OSBPL6: variants seen among roughly 807,000 people sequenced by gnomAD.
The protein encoded by OSBPL6 is oxysterol-binding protein-related protein 6.
In OSBPL6, 49 loss-of-function variants were observed where a neutral mutation model predicts 125.8. The observed-to-expected ratio is 0.39, with a 90% CI of 0.31 to 0.49. OSBPL6 has a LOEUF of 0.49. OSBPL6 is among the 20% of genes least tolerant of loss of function. OSBPL6 has a pLI of 0.88. For synonymous variants in OSBPL6, 394 were observed against 391.8 expected (o/e 1.01, Z -0.07); for missense variants, 986 against 1,135.4 (o/e 0.87, Z 1.89).
intron 1 of OSBPL6, among the ~76,000 whole-genome samples, chr2:178,242,490 G>A (rs962238320): frequency 4.1e-4 from 62 of 152,268 alleles, no homozygotes; most frequent in Middle Eastern, 6.8e-3. Context: ...GCAGTCACAC[G>A]GGTGTTAAAT....
At position 178,397,749 on chromosome 2, in the gene OSBPL6, G is replaced by A. The variant is rs1695932783; in HGVS notation, c.*2190G>A. On this transcript the variant is annotated 3_prime_UTR_variant, in exon 25 of 25. Coordinates refer to ENST00000190611, the MANE Select transcript of OSBPL6 (RefSeq NM_032523.4). ...AGAGGATCCAGGACCCATCAGGGAA[G>A]CAACGACTGTACTTAGCAATTTGGG... 6.6e-6 allele frequency: 1 copy of A among 152,328 alleles called. No homozygotes were observed. Among genetic ancestry groups the A allele is most frequent in the South Asian group, 2.1e-4 (1 of 4,826 alleles). 9.4% of individuals were successfully genotyped at this position (152,328 alleles called of 1,614,324 possible).
intron 1 of OSBPL6, among the ~76,000 whole-genome samples, chr2:178,210,852 C>A (rs1215654131): frequency 2.0e-5 from 3 of 150,408 alleles, no homozygotes; most frequent in Non-Finnish European, 4.4e-5. Flanking sequence ...ACACACACCC[C>A]TCTCTGCTGG....
chr2:178,384,207 A>G, intron 18 of OSBPL6, 31 bp downstream of exon 18: 28 of 1,605,812 alleles, frequency 1.7e-5, no homozygotes, highest in Non-Finnish European at 2.3e-5. Context: ...TGAGGTTTCT[A>G]TATAGGTAAG....
chr2:178,328,287 T>A lies in OSBPL6; in HGVS notation c.227T>A (p.Leu76Gln). ...GACAGCTGGGAAATTATAGAAGGGCTGAAAATAGGCCAAACCAATGTCCAG... is the reference window on the plus strand; with the variant it reads ...GACAGCTGGGAAATTATAGAAGGGCAGAAAATAGGCCAAACCAATGTCCAG... ...EADSWEIIEGLKIGQTNVQKP... is the reference protein window; with the variant it reads ...EADSWEIIEGQKIGQTNVQKP... The change falls in exon 5 of 25, where the codon CTG becomes CAG. Residue 76 changes from leucine to glutamine, a missense_variant. Around this residue, in one of 3 missense-constraint regions of OSBPL6, gnomAD observed 130 missense variants for 106.4 expected, o/e 1.22. Coordinates refer to ENST00000190611, the MANE Select transcript of OSBPL6 (RefSeq NM_032523.4). The A allele has an allele frequency of 6.2e-6, 10 of 1,613,910 alleles. 1 individual carries two copies. The highest frequency in any genetic ancestry group is 8.5e-6 in the Non-Finnish European group (10 of 1,179,834).
At chr2:178,250,076 C>T (rs1189760804) in intron 1 of OSBPL6, among the ~76,000 whole-genome samples, 2 of 152,214 alleles carry the variant, frequency 1.3e-5, no homozygotes, top group African/African-American at 4.8e-5. Flanking sequence ...TCCCACTTCA[C>T]AGATGATGGA....
chr2:178,215,554 G>A (rs929417926), intron 1 of OSBPL6, among the ~76,000 whole-genome samples: 10 of 152,158 alleles, frequency 6.6e-5, no homozygotes, highest in Admixed American at 4.6e-4. Flanking sequence ...AGTATAGACG[G>A]TGAGAGAGAC....
chr2:178,304,535 A>G (rs1354224980), intron 2 of OSBPL6, among the ~76,000 whole-genome samples: 2 of 152,194 alleles, frequency 1.3e-5, no homozygotes, highest in Admixed American at 6.5e-5. Flanking sequence ...GATTATGGGA[A>G]CTACAATTCA....
At chr2:178,367,631 G>A (rs1352439299) in intron 13 of OSBPL6, among the ~76,000 whole-genome samples, 2 of 152,130 alleles carry the variant, frequency 1.3e-5, no homozygotes, top group African/African-American at 4.8e-5. Context: ...TGGCAATTTA[G>A]GTAATTGATT....
chr2:178,213,540 G>T (rs1007078059), intron 1 of OSBPL6, among the ~76,000 whole-genome samples: 1 of 151,954 alleles, frequency 6.6e-6, no homozygotes, highest in Admixed American at 6.6e-5. Context: ...CTCCTTCCTA[G>T]ACTGTAACAG....
intron 3 of OSBPL6, among the ~76,000 whole-genome samples, chr2:178,318,133 T>C (rs1156237137): frequency 6.6e-6 from 1 of 152,248 alleles, no homozygotes; most frequent in Non-Finnish European, 1.5e-5. Flanking sequence ...TTTATTCCCA[T>C]ACCTTTTATC....
chr2:178,220,769 G>C (rs1474722186), intron 1 of OSBPL6, among the ~76,000 whole-genome samples: 1 of 152,338 alleles, frequency 6.6e-6, no homozygotes, highest in East Asian at 1.9e-4. Flanking sequence ...CAGATGAGTT[G>C]TCTATGCAGC....
At chr2:178,325,700 GC>G (rs1688643762) in intron 4 of OSBPL6, among the ~76,000 whole-genome samples, 1 of 152,176 alleles carries the variant, frequency 6.6e-6, no homozygotes, top group Non-Finnish European at 1.5e-5. Context: ...CACTTAATCA[GC>G]CCCCAACTCA....
At chr2:178,293,879 C>T (rs182975344) in intron 2 of OSBPL6, among the ~76,000 whole-genome samples, 26 of 151,974 alleles carry the variant, frequency 1.7e-4, no homozygotes, top group African/African-American at 4.1e-4. Flanking sequence ...AAATAGTGCT[C>T]GAGCAATTGG....
intron 2 of OSBPL6, among the ~76,000 whole-genome samples, chr2:178,285,813 GC>G (rs1370301993): frequency 1.5e-4 from 23 of 152,334 alleles, no homozygotes; most frequent in Admixed American, 1.5e-3. Flanking sequence ...GTCTTCGGGA[GC>G]TTTTTACAAG....
upstream of OSBPL6, chr2:178,194,367 G>C (rs933433278): frequency 2.0e-5 from 3 of 152,066 alleles, no homozygotes; most frequent in African/African-American, 7.2e-5. Context: ...CCAGCCGCTT[G>C]CCGCTCCACT....
chr2:178,210,579 G>A (rs976020253), intron 1 of OSBPL6, among the ~76,000 whole-genome samples: 7 of 151,910 alleles, frequency 4.6e-5, no homozygotes, highest in Admixed American at 3.9e-4. Context: ...AGGCTGAGGC[G>A]GCAAATCACT....
intron 1 of OSBPL6, among the ~76,000 whole-genome samples, chr2:178,253,717 C>A (rs9808156): frequency 0.044 from 6,708 of 152,214 alleles, 474 homozygotes; most frequent in African/African-American, 0.15. Flanking sequence ...TTTTACCTAT[C>A]ATTGTAGTGG....
chr2:178,372,043 G>T (rs534901006), intron 13 of OSBPL6, 83 bp from the exon 14 acceptor site: 2 of 1,006,682 alleles, frequency 2.0e-6, no homozygotes, highest in Admixed American at 2.1e-5. Flanking sequence ...AGACATTATT[G>T]TCTAACTTGT....
intron 1 of OSBPL6, among the ~76,000 whole-genome samples, chr2:178,205,319 C>T (rs555348165): frequency 3.9e-5 from 6 of 152,228 alleles, no homozygotes; most frequent in Admixed American, 2.0e-4. Context: ...GAAGCTTCAG[C>T]GGCCTTCAGT....
Sources: allele counts gnomAD v4.1 joint callset (sites outside exome capture counted in the v4.1 genomes callset), GRCh38; gene constraint gnomAD v4.1.1; regional missense constraint gnomAD v4.1.1; transcripts MANE v1.5; gene names NCBI Gene and HGNC (gene_info 2026-07-23, HGNC 2026-07-21).